The following PROS1 variants were observed in gnomAD, a reference collection of about 807,000 sequenced individuals.
PROS1 encodes vitamin K-dependent protein S.
PROS1 carries 29 observed loss-of-function variants against 75.9 expected under a neutral mutation model. That is an observed-to-expected ratio of 0.38 (90% CI 0.28 to 0.52). The LOEUF (loss-of-function observed/expected upper bound fraction) is 0.52. Among genes scored for constraint, PROS1 ranks in the 20% least tolerant of loss-of-function variants. The probability of loss-of-function intolerance (pLI) is 0.83; values close to 1 mark genes in which losing one functional copy is unlikely to be tolerated. For missense variants in PROS1, 680 were observed against 810.3 expected (o/e 0.84, Z 1.95); for synonymous variants, 245 against 280.6 (o/e 0.87, Z 1.27).
At chr3:93,916,226 CCTT>C (rs1325581487) in intron 3 of PROS1, among the ~76,000 whole-genome samples, 2 of 152,106 alleles carry the variant, frequency 1.3e-5, no homozygotes, top group African/African-American at 2.4e-5. Context: ...GTTCATTTGT[CCTT>C]CTTCTTGAAT....
intron 11 of PROS1, among the ~76,000 whole-genome samples, chr3:93,885,820 T>C (rs1297783822): frequency 6.6e-6 from 1 of 152,202 alleles, no homozygotes; most frequent in Non-Finnish European, 1.5e-5. Context: ...TAACTACGAA[T>C]TTCCAGAGAA....
At chr3:93,937,816 G>A (rs1053861606) in intron 1 of PROS1, among the ~76,000 whole-genome samples, 2 of 152,078 alleles carry the variant, frequency 1.3e-5, no homozygotes, top group African/African-American at 4.8e-5. Flanking sequence ...ATATGAGAGG[G>A]TCTCTCTCTT....
intron 10 of PROS1, among the ~76,000 whole-genome samples, chr3:93,892,438 A>T (rs1368343933): frequency 6.6e-6 from 1 of 152,092 alleles, no homozygotes; most frequent in Non-Finnish European, 1.5e-5. Context: ...CAGCTGGACC[A>T]ACACGGAGAA....
At position 93,877,135 on chromosome 3, in the gene PROS1, T is replaced by C; in HGVS notation, c.1701A>G (p.Leu567=). The change falls in exon 14 of 15, where the codon CTA becomes CTG. Residue 567 remains leucine, a synonymous_variant. Transcript: ENST00000394236. ...TVIYRIQALS[L]CSDQQSHLEF... is the part of the protein sequence containing the mutation. Reference sequence around the variant, plus strand: ...CCAGATGAGATTGTTGATCGGAACATAGACTTAGGGCCTGTATCCGATATA... The same window carrying C: ...CCAGATGAGATTGTTGATCGGAACACAGACTTAGGGCCTGTATCCGATATA... The C allele has an allele frequency of 6.2e-7, 1 of 1,612,692 alleles. No homozygotes were observed. Among genetic ancestry groups the C allele is most frequent in the Non-Finnish European group, 8.5e-7 (1 of 1,178,732 alleles).
chr3:93,926,385 A>C (rs1240283837), intron 2 of PROS1, among the ~76,000 whole-genome samples: 2 of 152,184 alleles, frequency 1.3e-5, no homozygotes. Flanking sequence ...TAATCTCAGC[A>C]CTTTAGGAGG....
chr3:93,903,260 TGTG>T (rs1388457553), intron 6 of PROS1, among the ~76,000 whole-genome samples: 1 of 152,210 alleles, frequency 6.6e-6, no homozygotes, highest in Non-Finnish European at 1.5e-5. Context: ...TAAGAACAGA[TGTG>T]GTCATCAGGA....
intron 1 of PROS1, chr3:93,928,811 A>G: frequency 9.4e-7 from 1 of 1,069,406 alleles, no homozygotes. Flanking sequence ...TAAAGAAAAC[A>G]ATATAAACAA....
intron 3 of PROS1, among the ~76,000 whole-genome samples, chr3:93,911,410 A>G: frequency 6.6e-6 from 1 of 152,218 alleles, no homozygotes. Flanking sequence ...GTATTACTTC[A>G]TTGTTCAGAC....
At chr3:93,881,019 TG>T (rs547555746) in intron 12 of PROS1, among the ~76,000 whole-genome samples, 1 of 152,148 alleles carries the variant, frequency 6.6e-6, no homozygotes, top group Non-Finnish European at 1.5e-5. Context: ...TTGTAAAATT[TG>T]TCCTTAAAAA....
intron 4 of PROS1, 144 bp from the exon 5 acceptor site, chr3:93,906,287 A>T: frequency 1.1e-6 from 1 of 946,352 alleles, no homozygotes; most frequent in Non-Finnish European, 1.6e-6. Context: ...CTTTTCCTAA[A>T]TTAAAAAGTG....
chr3:93,946,212 C>T (rs4434178), intron 1 of PROS1, among the ~76,000 whole-genome samples: 119,829 of 152,130 alleles, frequency 0.79, 47,395 homozygotes, highest in Non-Finnish European at 0.82. Context: ...ATCAATATCA[C>T]GAAAATGGCC....
intron 1 of PROS1, among the ~76,000 whole-genome samples, chr3:93,943,511 T>C (rs937089157): frequency 1.3e-5 from 2 of 152,110 alleles, no homozygotes; most frequent in African/African-American, 4.8e-5. Context: ...AAAATCTTCC[T>C]TCAGCTAAAT....
intron 1 of PROS1, among the ~76,000 whole-genome samples, chr3:93,944,254 G>A (rs762433606): frequency 6.6e-6 from 1 of 151,088 alleles, no homozygotes; most frequent in Admixed American, 6.6e-5. Flanking sequence ...CAGTTTTGCT[G>A]TTTATATATG....
At chr3:93,930,647 T>C (rs1404033456) in intron 1 of PROS1, among the ~76,000 whole-genome samples, 4 of 152,246 alleles carry the variant, frequency 2.6e-5, no homozygotes, top group Non-Finnish European at 2.9e-5. Flanking sequence ...ACTGTATTCA[T>C]GCTTGTGAAA....
At chr3:93,960,109 G>A (rs563303966) in intron 1 of PROS1, among the ~76,000 whole-genome samples, 3 of 151,442 alleles carry the variant, frequency 2.0e-5, no homozygotes, top group South Asian at 2.1e-4. Context: ...ACATAGTGCC[G>A]AAGAAATATT....
In PROS1 at chr3:93,973,860, G is replaced by C; in HGVS notation, c.-111C>G. On this transcript the variant is annotated 5_prime_UTR_variant, in exon 1 of 15. Coordinates refer to ENST00000394236, the MANE Select transcript of PROS1 (RefSeq NM_000313.4). Reference sequence around the variant, plus strand: ...TGCGCCTCGGTCTGAGCCGTGCTGCGCGGCGGCGCCAGCGACCCAGCGAGC... The same window carrying C: ...TGCGCCTCGGTCTGAGCCGTGCTGCCCGGCGGCGCCAGCGACCCAGCGAGC... 1 of 875,716 alleles carries C rather than the reference G, an allele frequency of 1.1e-6. No homozygotes were observed. The highest frequency in any genetic ancestry group is 1.6e-6 in the Non-Finnish European group (1 of 641,378). The allele number at this position is 875,716 out of a possible 1,614,324, so 54.2% of individuals were successfully genotyped here. A position where few individuals can be genotyped will look rare whatever the true frequency, so the allele number is the denominator to read the frequency against.
intron 1 of PROS1, among the ~76,000 whole-genome samples, chr3:93,962,426 GGA>G (rs1243600749): frequency 6.6e-6 from 1 of 152,178 alleles, no homozygotes; most frequent in Non-Finnish European, 1.5e-5. Flanking sequence ...GTGAAGGAGA[GGA>G]GAGAGGCCCT....
At position 93,884,967 on chromosome 3, in the gene PROS1, T is replaced by G. The variant is rs543339792; in HGVS notation, c.1324-71A>C. On this transcript the variant is annotated intron_variant, in intron 11 of 14. Coordinates refer to ENST00000394236, the MANE Select transcript of PROS1 (RefSeq NM_000313.4). ...CAGTGGCTCGATTATGAGTATAGGTTTTCATTAAGAGAAAAAAAATCCTTT... is the reference window on the plus strand; with the variant it reads ...CAGTGGCTCGATTATGAGTATAGGTGTTCATTAAGAGAAAAAAAATCCTTT... The G allele has an allele frequency of 3.3e-4, 418 of 1,278,742 alleles. 6 individuals are homozygous for G. The highest frequency in any genetic ancestry group is 1.3e-3 in the South Asian group (99 of 73,948). The allele number at this position is 1,278,742 out of a possible 1,614,324, so 79.2% of individuals were successfully genotyped here.
At chr3:93,885,008 A>G in intron 11 of PROS1, 112 bp from the exon 12 acceptor site, 1 of 933,342 alleles carries the variant, frequency 1.1e-6, no homozygotes, top group Non-Finnish European at 1.6e-6. Flanking sequence ...ATAATAGTTG[A>G]AAATATTTTG....
Sources: allele counts gnomAD v4.1 joint callset (sites outside exome capture counted in the v4.1 genomes callset), GRCh38; gene constraint gnomAD v4.1.1; transcripts MANE v1.5; gene names NCBI Gene and HGNC (gene_info 2026-07-23, HGNC 2026-07-21).